Variants in CAMK2D observed in about 807,000 individuals in gnomAD.
CAMK2D encodes calcium/calmodulin dependent protein kinase II delta.
CAMK2D carries 37 observed loss-of-function variants against 84.0 expected under a neutral mutation model. The observed-to-expected ratio is 0.44, with a 90% CI of 0.34 to 0.58. The LOEUF is 0.58. Among genes scored for constraint, CAMK2D ranks in the 20% least tolerant of loss-of-function variants. The probability of loss-of-function intolerance (pLI) is 0.02; values close to 1 mark genes in which losing one functional copy is unlikely to be tolerated. For missense variants in CAMK2D, 448 were observed against 652.5 expected, an observed-to-expected ratio of 0.69 and a Z score of 3.41; for synonymous variants, 202 against 212.5, an observed-to-expected ratio of 0.95 and a Z score of 0.43.
At chr4:113,655,896 C>T (rs1208619132) in intron 3 of CAMK2D, among the ~76,000 whole-genome samples, 3 of 151,876 alleles carry the variant, frequency 2.0e-5, no homozygotes, top group African/African-American at 7.3e-5. Flanking sequence ...TGAGCTTCAC[C>T]ATAAGTTTAA....
chr4:113,759,790 G>A (rs910343123), intron 1 of CAMK2D, among the ~76,000 whole-genome samples: 1 of 152,132 alleles, frequency 6.6e-6, no homozygotes, highest in Non-Finnish European at 1.5e-5. Context: ...ACTTATTTTG[G>A]TAGGAAACAA....
chr4:113,500,636 T>C (rs919711839), intron 15 of CAMK2D, 125 bp from the exon 16 acceptor site: 21 of 547,368 alleles, frequency 3.8e-5, no homozygotes, highest in Non-Finnish European at 6.2e-5. Context: ...TATGCTGACA[T>C]GCAAATGGAC....
chr4:113,468,451 C>T (rs1191732331), intron 16 of CAMK2D, among the ~76,000 whole-genome samples: 1 of 152,146 alleles, frequency 6.6e-6, no homozygotes, highest in African/African-American at 2.4e-5. Flanking sequence ...TTCACTGGGG[C>T]AAAGGAGCTT....
At chr4:113,703,341 G>A (rs1194826498) in intron 2 of CAMK2D, among the ~76,000 whole-genome samples, 1 of 152,262 alleles carries the variant, frequency 6.6e-6, no homozygotes, top group African/African-American at 2.4e-5. Context: ...TTTGTCTTAA[G>A]ACAGGGTCTT....
intron 2 of CAMK2D, among the ~76,000 whole-genome samples, chr4:113,697,103 G>C (rs2099405220): frequency 1.3e-5 from 2 of 152,076 alleles, no homozygotes; most frequent in African/African-American, 2.4e-5. Flanking sequence ...TACTGGAAGA[G>C]GGTCTCACTA....
At chr4:113,555,106 C>T (rs2098655958) in intron 4 of CAMK2D, among the ~76,000 whole-genome samples, 1 of 152,198 alleles carries the variant, frequency 6.6e-6, no homozygotes, top group African/African-American at 2.4e-5. Flanking sequence ...GTACAATTTG[C>T]AATTCCCATC....
chr4:113,677,503 C>T (rs2099323299), intron 2 of CAMK2D: 3 of 856,640 alleles, frequency 3.5e-6, no homozygotes, highest in Non-Finnish European at 4.2e-6. Flanking sequence ...TACAACTTGG[C>T]TTACTTCCTT....
intron 3 of CAMK2D, among the ~76,000 whole-genome samples, chr4:113,647,574 T>A (rs1425206498): frequency 6.6e-6 from 1 of 152,248 alleles, no homozygotes; most frequent in African/African-American, 2.4e-5. Flanking sequence ...GTAGGATGCT[T>A]AGCAGCCTCC....
chr4:113,476,944 A>C (rs1044672283), intron 16 of CAMK2D, among the ~76,000 whole-genome samples: 3 of 152,106 alleles, frequency 2.0e-5, no homozygotes, highest in Non-Finnish European at 2.9e-5. Context: ...CTATGATTTC[A>C]TTCCCAACCA....
intron 2 of CAMK2D, among the ~76,000 whole-genome samples, chr4:113,742,392 T>C (rs1450847753): frequency 5.9e-5 from 9 of 151,856 alleles, no homozygotes; most frequent in Admixed American, 3.9e-4. Flanking sequence ...TTGTGAAAAA[T>C]AGGGTGGTAG....
chr4:113,669,519 T>A (rs915824749), intron 2 of CAMK2D, among the ~76,000 whole-genome samples: 1 of 152,164 alleles, frequency 6.6e-6, no homozygotes, highest in Non-Finnish European at 1.5e-5. Flanking sequence ...GACTGTAGAT[T>A]TCCTTTGGAA....
At chr4:113,564,870 A>G (rs76552823) in intron 4 of CAMK2D, among the ~76,000 whole-genome samples, 2,013 of 152,344 alleles carry the variant, frequency 0.013, 57 homozygotes, top group African/African-American at 0.044. Context: ...GATGAGGAAT[A>G]TGATGGCCCC....
intron 5 of CAMK2D, among the ~76,000 whole-genome samples, chr4:113,551,241 CAA>C (rs2098626587): frequency 6.6e-6 from 1 of 152,102 alleles, no homozygotes; most frequent in Non-Finnish European, 1.5e-5. Context: ...TACTCCACTC[CAA>C]AAGTGTTGCC....
At chr4:113,608,626 C>T (rs1290713330) in intron 4 of CAMK2D, among the ~76,000 whole-genome samples, 1 of 152,148 alleles carries the variant, frequency 6.6e-6, no homozygotes. Flanking sequence ...TCTTATTAAA[C>T]TCCTACCAAC....
chr4:113,471,795 AC>A (rs2097549517), intron 16 of CAMK2D, among the ~76,000 whole-genome samples: 1 of 149,842 alleles, frequency 6.7e-6, no homozygotes, highest in African/African-American at 2.5e-5. Context: ...ATTGTCCCCC[AC>A]CCCTTTAAGG....
At chr4:113,755,079 T>C in intron 2 of CAMK2D, 1 of 984,724 alleles carries the variant, frequency 1.0e-6, no homozygotes, top group Non-Finnish European at 1.2e-6. Context: ...ATTACAGTAC[T>C]TTCTTGACTG....
intron 2 of CAMK2D, among the ~76,000 whole-genome samples, chr4:113,700,652 A>G (rs557605347): frequency 3.6e-4 from 54 of 150,568 alleles, no homozygotes; most frequent in Admixed American, 6.7e-4. Context: ...TGCTTCAGCT[A>G]CCTCTCTAGG....
At chr4:113,495,375 C>A (rs1488736730) in intron 16 of CAMK2D, among the ~76,000 whole-genome samples, 1 of 152,104 alleles carries the variant, frequency 6.6e-6, no homozygotes, top group Non-Finnish European at 1.5e-5. Flanking sequence ...AAGACAAGTC[C>A]TGAAATATAA....
intron 4 of CAMK2D, among the ~76,000 whole-genome samples, chr4:113,561,627 A>T (rs2098699155): frequency 6.6e-6 from 1 of 152,252 alleles, no homozygotes; most frequent in South Asian, 2.1e-4. Context: ...TAAAGGCTTA[A>T]GTCAATCTAG....
Sources: gnomAD v4.1 joint callset for allele counts (sites outside exome capture counted in the v4.1 genomes callset) on GRCh38, gnomAD v4.1.1 for gene constraint, MANE v1.5 for transcripts, NCBI Gene and HGNC (gene_info 2026-07-23, HGNC 2026-07-21) for gene names.